Variants in ATXN2 observed in about 807,000 individuals in gnomAD.
The protein encoded by ATXN2 is ataxin 2, also known as ataxin-2.
Under a neutral mutation model 138.6 loss-of-function variants are expected in ATXN2, and 37 were observed. The ratio of observed to expected loss-of-function variants is 0.27; its 90% confidence interval spans 0.21 to 0.35. The LOEUF is 0.35. Among genes scored for constraint, ATXN2 ranks in the 10% least tolerant of loss-of-function variants. The probability of loss-of-function intolerance (pLI) is 1.00; values close to 1 mark genes in which losing one functional copy is unlikely to be tolerated. For synonymous variants in ATXN2, 549 were observed against 543.7 expected (o/e 1.01, Z -0.13); for missense variants, 1,216 against 1,480.3 (o/e 0.82, Z 2.93).
At chr12:111,581,893 A>T (rs1424567506) in intron 1 of ATXN2, 6 of 244,278 alleles carry the variant, frequency 2.5e-5, no homozygotes, top group African/African-American at 1.4e-4. Context: ...TCAGCCGTTT[A>T]TCCTCACACA....
chr12:111,495,004 C>T (rs1007380828), intron 14 of ATXN2, among the ~76,000 whole-genome samples: 2 of 151,846 alleles, frequency 1.3e-5, no homozygotes, highest in African/African-American at 4.8e-5. Context: ...TACAGAGTGG[C>T]TAAATGGATT....
intron 14 of ATXN2, among the ~76,000 whole-genome samples, chr12:111,500,617 G>A (rs1878703621): frequency 1.3e-5 from 2 of 152,200 alleles, no homozygotes; most frequent in South Asian, 4.1e-4. Context: ...GCTCACGCCT[G>A]CAACCCCAGC....
chr12:111,528,226 A>G (rs188116400), intron 5 of ATXN2, among the ~76,000 whole-genome samples: 5 of 152,318 alleles, frequency 3.3e-5, no homozygotes, highest in African/African-American at 1.2e-4. Flanking sequence ...GCAGCTAGAG[A>G]TTTTTATAGA....
intron 14 of ATXN2, among the ~76,000 whole-genome samples, chr12:111,489,320 T>C (rs953307481): frequency 3.9e-5 from 6 of 152,124 alleles, no homozygotes; most frequent in African/African-American, 9.6e-5. Context: ...CATAAAACAA[T>C]AGCACCAATG....
At chr12:111,520,211 A>T in intron 7 of ATXN2, 135 bp from the exon 8 acceptor site, 5 of 1,161,034 alleles carry the variant, frequency 4.3e-6, no homozygotes, top group Non-Finnish European at 5.9e-6. Flanking sequence ...AACTAAAACT[A>T]AAAGTTATAG....
intron 5 of ATXN2, among the ~76,000 whole-genome samples, chr12:111,547,607 C>T (rs1468615229): frequency 6.6e-6 from 1 of 151,912 alleles, no homozygotes; most frequent in African/African-American, 2.4e-5. Context: ...TGCCTGTAAT[C>T]CCAGCTACTC....
chr12:111,514,575 AGTGCAGTG>A (rs1455962589), intron 10 of ATXN2, among the ~76,000 whole-genome samples: 3 of 152,140 alleles, frequency 2.0e-5, no homozygotes, highest in Admixed American at 6.5e-5. Context: ...CCCAGGCTGG[AGTGCAGTG>A]GTACGATCTC....
intron 5 of ATXN2, among the ~76,000 whole-genome samples, chr12:111,550,603 C>T (rs1465598553): frequency 6.6e-6 from 1 of 152,064 alleles, no homozygotes; most frequent in Non-Finnish European, 1.5e-5. Context: ...TGCTCCTAGA[C>T]ATAAACAAAA....
chr12:111,455,891 G>A (rs559750311), intron 23 of ATXN2, 138 bp downstream of exon 23: 43 of 833,080 alleles, frequency 5.2e-5, no homozygotes, highest in South Asian at 1.9e-4. Flanking sequence ...GCCAGATCAC[G>A]TGTATTTGAG....
chr12:111,512,300 GTTTT>G (rs112796017), intron 11 of ATXN2, among the ~76,000 whole-genome samples: 1 of 150,810 alleles, frequency 6.6e-6, no homozygotes, highest in Non-Finnish European at 1.5e-5. Context: ...GAGAAAAAGT[GTTTT>G]TTTTGTTTGT....
chr12:111,599,631 G>C (rs1473106207), upstream of ATXN2: 19 of 1,080,930 alleles, frequency 1.8e-5, no homozygotes, highest in Non-Finnish European at 2.0e-5. Context: ...GGGCCGGGAG[G>C]GACACGTGAG....
intron 1 of ATXN2, chr12:111,581,465 G>T: frequency 1.1e-6 from 1 of 909,436 alleles, no homozygotes. Context: ...GCAAGAGGTG[G>T]CTGTGCTGGG....
chr12:111,544,079 TA>T (rs984299926), intron 5 of ATXN2, among the ~76,000 whole-genome samples: 2 of 151,446 alleles, frequency 1.3e-5, no homozygotes, highest in African/African-American at 2.4e-5. Flanking sequence ...CCTGTTTCTT[TA>T]AAAAAAAGAA....
At chr12:111,464,116 T>C (rs539634414) in intron 21 of ATXN2, among the ~76,000 whole-genome samples, 2 of 152,248 alleles carry the variant, frequency 1.3e-5, no homozygotes, top group Admixed American at 1.3e-4. Flanking sequence ...CCTTTAGCCA[T>C]GCACAGGACT....
At chr12:111,493,271 G>A (rs1878163360) in intron 14 of ATXN2, among the ~76,000 whole-genome samples, 1 of 151,670 alleles carries the variant, frequency 6.6e-6, no homozygotes, top group Non-Finnish European at 1.5e-5. Flanking sequence ...AATACAAAAA[G>A]TAGCTGGGCG....
chr12:111,591,812 T>C (rs559097304), intron 1 of ATXN2, among the ~76,000 whole-genome samples: 2 of 152,196 alleles, frequency 1.3e-5, no homozygotes, highest in African/African-American at 4.8e-5. Context: ...CTGCGCACGG[T>C]GGCTCATGCC....
At chr12:111,515,273 C>G (rs1158224660) in intron 10 of ATXN2, among the ~76,000 whole-genome samples, 6 of 152,200 alleles carry the variant, frequency 3.9e-5, no homozygotes, top group Non-Finnish European at 8.8e-5. Context: ...GCAATATTAA[C>G]TAATTTTAAT....
chr12:111,536,670 T>C (rs1056429926), intron 5 of ATXN2, among the ~76,000 whole-genome samples: 10 of 151,580 alleles, frequency 6.6e-5, no homozygotes, highest in African/African-American at 1.2e-4. Context: ...AGGTTCAACA[T>C]AGATTTAGCA....
In ATXN2 at chr12:111,510,558, T is replaced by C. The variant is rs938684575; in HGVS notation, c.1583A>G (p.His528Arg). 1.3e-5 allele frequency: 21 copies of C among 1,613,430 alleles called. No homozygotes were observed. In the East Asian group the frequency reaches 4.7e-4, roughly 36 times the overall value. The change falls in exon 12 of 25, where the codon CAT (histidine) becomes CGT (arginine). Residue 528 changes from histidine (H) to arginine (R), a missense_variant. Around this residue, in one of 4 missense-constraint regions of ATXN2, gnomAD observed 215 missense variants for 210.0 expected, o/e 1.02. Transcript: ENST00000673436. ...SGVPRLSPKTHRPRSPRQNSI... is the reference protein window; with the variant it reads ...SGVPRLSPKTRRPRSPRQNSI... ...GTTCTGTCTGGGAGACCTGGGTCTA[T>C]GAGTTTTAGGGGATAATCTTGGAAC...
Sources: allele counts gnomAD v4.1 joint callset (sites outside exome capture counted in the v4.1 genomes callset), GRCh38; gene constraint gnomAD v4.1.1; regional missense constraint gnomAD v4.1.1; transcripts MANE v1.5; gene names NCBI Gene and HGNC (gene_info 2026-07-23, HGNC 2026-07-21).